MAPT: variants seen among roughly 807,000 people sequenced by gnomAD.
MAPT encodes microtubule associated protein tau.
In MAPT, 34 loss-of-function variants were observed where a neutral mutation model predicts 67.9. The observed-to-expected ratio is 0.50, with a 90% confidence interval of 0.38 to 0.67. The LOEUF (loss-of-function observed/expected upper bound fraction) is 0.67. Among genes scored for constraint, MAPT ranks in the 30% least tolerant of loss-of-function variants. The probability of loss-of-function intolerance (pLI) is 0.00; values close to 1 mark genes in which losing one functional copy is unlikely to be tolerated. For missense variants in MAPT, 881 were observed against 1,115.2 expected (o/e 0.79, Z 2.99); for synonymous variants, 456 against 464.5 (o/e 0.98, Z 0.23).
chr17:45,986,912 T>C, intron 5 of MAPT, 128 bp from the exon 6 acceptor site: 1 of 757,236 alleles, frequency 1.3e-6, no homozygotes. Context: ...GAGAACCAAC[T>C]GGGTTTCCAC....
intron 9 of MAPT, among the ~76,000 whole-genome samples, chr17:46,002,535 T>A (rs2145912635): frequency 6.6e-6 from 1 of 151,862 alleles, no homozygotes; most frequent in Non-Finnish European, 1.5e-5. Context: ...CCTGGTTGGC[T>A]CTGAGAAGAT....
At chr17:46,016,419 A>G (rs1391198371) in intron 11 of MAPT, among the ~76,000 whole-genome samples, 3 of 151,664 alleles carry the variant, frequency 2.0e-5, no homozygotes, top group Non-Finnish European at 2.9e-5. Context: ...AGAAAAAGAA[A>G]AGAAAGTGAT....
In MAPT at chr17:46,024,096, C is replaced by A. The variant is rs1465727114; in HGVS notation, c.2427C>A (p.Ile809=). 3 of 1,614,060 alleles carry A rather than the reference C, an allele frequency of 1.9e-6. No individual in the cohort carries two copies. The highest frequency in any genetic ancestry group is 2.7e-5 in the African/African-American group (2 of 74,936). ...GCAATGTCTCCTCCACCGGCAGCATCGACATGGTAGACTCGCCCCAGCTCG... is the reference window on the plus strand; with the variant it reads ...GCAATGTCTCCTCCACCGGCAGCATAGACATGGTAGACTCGCCCCAGCTCG... ...HLSNVSSTGS[I]DMVDSPQLAT... The change falls in exon 13 of 13, where the codon ATC becomes ATA. Residue 809 remains isoleucine (I), a synonymous_variant. Transcript: ENST00000262410.
At position 45,971,863 on chromosome 17, in the gene MAPT, T is replaced by A; in HGVS notation, c.138T>A (p.Ser46=). Residue 46 remains serine (S), a synonymous_variant, in exon 3 of 13, where the codon TCT becomes TCA. Transcript: ENST00000262410. The surrounding 1 kb of genome is among the most constrained non-coding windows in gnomAD (Gnocchi z 4.3). ...GGCTCACTGTATGTGTTCCAGAATC[T>A]CCCCTGCAGACCCCCACTGAGGACG... ...EGDTDAGLKE[S]PLQTPTEDGS... The A allele has an allele frequency of 6.2e-7, 1 of 1,612,726 alleles. No individual in the cohort carries two copies. Among genetic ancestry groups the A allele is most frequent in the Non-Finnish European group, 8.5e-7 (1 of 1,178,780 alleles).
chr17:45,928,764 T>C (rs62059009), intron 1 of MAPT, among the ~76,000 whole-genome samples: 21,824 of 152,190 alleles, frequency 0.14, 2,136 homozygotes, highest in Middle Eastern at 0.22. Flanking sequence ...GGCGCGATCT[T>C]GGCTCACTGC....
At chr17:45,985,735 CAAA>C in intron 5 of MAPT, 1 of 985,378 alleles carries the variant, frequency 1.0e-6, no homozygotes, top group Non-Finnish European at 1.2e-6. Context: ...GTGGGCAAAA[CAAA>C]GAACACGTGA....
intron 1 of MAPT, among the ~76,000 whole-genome samples, chr17:45,924,654 C>T (rs942629775): frequency 1.3e-5 from 2 of 152,234 alleles, no homozygotes; most frequent in East Asian, 3.9e-4. Context: ...TGTCCATAGC[C>T]GCCCATCTCA....
At chr17:45,934,426 G>T (rs2144751614) in intron 1 of MAPT, among the ~76,000 whole-genome samples, 1 of 152,300 alleles carries the variant, frequency 6.6e-6, no homozygotes, top group East Asian at 1.9e-4. Flanking sequence ...AGTTACGCAT[G>T]TGTGTATTTT....
At chr17:45,997,936 C>G (rs1270932601) in intron 9 of MAPT, among the ~76,000 whole-genome samples, 1 of 152,104 alleles carries the variant, frequency 6.6e-6, no homozygotes, top group Non-Finnish European at 1.5e-5. Context: ...GCGGGGACCA[C>G]AATTCAGCCC....
intron 4 of MAPT, chr17:45,978,797 G>C (rs2072651164): frequency 4.9e-6 from 1 of 205,994 alleles, no homozygotes; most frequent in Non-Finnish European, 9.9e-6. Context: ...CTGAGGTCAG[G>C]AGTTTGAGAC....
intron 9 of MAPT, among the ~76,000 whole-genome samples, chr17:45,998,865 C>A (rs974252872): frequency 6.6e-6 from 1 of 152,096 alleles, no homozygotes; most frequent in Non-Finnish European, 1.5e-5. Flanking sequence ...GGGTGCCTGG[C>A]CTTGGTGCTG....
At chr17:45,901,930 T>TC (rs71892798) in intron 1 of MAPT, among the ~76,000 whole-genome samples, 2 of 148,248 alleles carry the variant, frequency 1.3e-5, no homozygotes, top group Non-Finnish European at 3.0e-5. Flanking sequence ...TTTTTTTTTT[T>TC]CATGGTCTTT....
At chr17:45,916,868 G>A (rs1181718963) in intron 1 of MAPT, among the ~76,000 whole-genome samples, 1 of 152,214 alleles carries the variant, frequency 6.6e-6, no homozygotes, top group African/African-American at 2.4e-5. Flanking sequence ...AGCTGGACTA[G>A]CACAGGTGTC....
chr17:45,928,686 A>T (rs114323230), intron 1 of MAPT, among the ~76,000 whole-genome samples: 3,296 of 151,714 alleles, frequency 0.022, 139 homozygotes, highest in African/African-American at 0.076. Flanking sequence ...ACATATATAT[A>T]TTTTGTTTGT....
rs904377541 is a variant in MAPT at position 45,985,790 on chromosome 17, G to T, written c.1352-1250G>T. On this transcript the variant is annotated intron_variant, in intron 5 of 12. Transcript: ENST00000262410. The stretch of plus-strand genomic sequence containing the variant: ...GCTCTTACTAAAGTGCAGGTTCCCA[G>T]GTGCCACTTTAGGCTTACAGACCCA... 8.3e-5 allele frequency: 78 copies of T among 935,984 alleles called. No homozygotes were observed. The Admixed American group carries it at 3.5e-3, about 42-fold the overall frequency. 58.0% of individuals were successfully genotyped at this position (935,984 alleles called of 1,614,324 possible).
intron 1 of MAPT, among the ~76,000 whole-genome samples, chr17:45,938,155 A>T (rs1273959192): frequency 6.6e-6 from 1 of 152,176 alleles, no homozygotes; most frequent in Non-Finnish European, 1.5e-5. Context: ...AACCAACACA[A>T]ATGTATTACC....
intron 1 of MAPT, among the ~76,000 whole-genome samples, chr17:45,955,838 C>T (rs1430488675): frequency 6.6e-6 from 1 of 152,082 alleles, no homozygotes; most frequent in Non-Finnish European, 1.5e-5. Context: ...TAGGTTCAAG[C>T]GATTCTCCAG....
chr17:45,897,138 A>T lies in MAPT; in HGVS notation c.-18+2452A>T, dbSNP rs1488878957. 1.3e-5 allele frequency: 2 copies of T among 152,128 alleles called. No homozygotes were observed. 9.4% of individuals were successfully genotyped at this position (152,128 alleles called of 1,614,324 possible). On this transcript the variant is annotated intron_variant, in intron 1 of 12. Coordinates refer to ENST00000262410, the MANE Select transcript of MAPT (RefSeq NM_001377265.1). The surrounding 1 kb of genome is among the most constrained non-coding windows in gnomAD (Gnocchi z 5.0). ...GGGTTGCAGAGCGGCTCAGGGATCG[A>T]TTCAAGCATCGTCTCTCCTCCCTCG...
rs113119670 is a variant in MAPT, at chr17:45,916,616, G to T, written c.-18+21930G>T. ...GGGAACAGCCCCCAAATGTGTGACA[G>T]CCTTCAGTGGAGTTGCCCACTTTCC... On this transcript the variant is annotated intron_variant, in intron 1 of 12. Coordinates refer to ENST00000262410, the MANE Select transcript of MAPT (RefSeq NM_001377265.1). Among the ~76,000 whole-genome samples the T allele has an allele frequency of 2.1e-3, 316 of 152,312 alleles. 1 individual carries two copies. Among genetic ancestry groups the T allele is most frequent in the African/African-American group, 7.2e-3 (299 of 41,586 alleles).
Sources: gnomAD v4.1 joint callset for allele counts (sites outside exome capture counted in the v4.1 genomes callset) on GRCh38, gnomAD v4.1.1 for gene constraint, Gnocchi (gnomAD v3.1) non-coding constraint, MANE v1.5 for transcripts, NCBI Gene and HGNC (gene_info 2026-07-23, HGNC 2026-07-21) for gene names.